Variants in ABCD3 observed in about 807,000 individuals in gnomAD.
ABCD3 encodes ATP-binding cassette sub-family D member 3.
In ABCD3, 41 loss-of-function variants were observed where a neutral mutation model predicts 105.5. That is an observed-to-expected ratio of 0.39 (90% CI 0.30 to 0.50). The LOEUF is 0.50. Ranked by LOEUF, ABCD3 falls within the 20% of genes least tolerant of loss-of-function variation. The probability of loss-of-function intolerance (pLI) is 0.84; values close to 1 mark genes in which losing one functional copy is unlikely to be tolerated. For missense variants in ABCD3, 622 were observed against 806.3 expected (o/e 0.77, Z 2.77); for synonymous variants, 258 against 269.0 (o/e 0.96, Z 0.40).
intron 20 of ABCD3, among the ~76,000 whole-genome samples, chr1:94,503,588 A>G (rs1196778481): frequency 1.3e-5 from 2 of 152,096 alleles, no homozygotes; most frequent in African/African-American, 4.8e-5. Context: ...CTAAAAAGCA[A>G]ACTCTGCCTT....
chr1:94,466,988 G>C (rs1476272132), intron 3 of ABCD3, among the ~76,000 whole-genome samples: 2 of 152,154 alleles, frequency 1.3e-5, no homozygotes, highest in African/African-American at 2.4e-5. Flanking sequence ...GGTTGGGGTG[G>C]CAGGATTCTC....
At chr1:94,434,262 G>A (rs1346845664) in intron 1 of ABCD3, among the ~76,000 whole-genome samples, 1 of 152,172 alleles carries the variant, frequency 6.6e-6, no homozygotes, top group African/African-American at 2.4e-5. Flanking sequence ...ACAGTAAAAT[G>A]TGTGGAGCTG....
intron 1 of ABCD3, among the ~76,000 whole-genome samples, chr1:94,457,630 C>G (rs757027255): frequency 1.8e-4 from 27 of 152,100 alleles, no homozygotes; most frequent in Non-Finnish European, 2.9e-4. Flanking sequence ...CCTCATGTCA[C>G]AGACTTCCTG....
chr1:94,464,414 C>A lies in ABCD3; in HGVS notation c.148-361C>A, dbSNP rs918306081. ...CTTTTTTCAGCTGTCTCTCTGACCT[C>A]GTCCTCTGTGATGGTACCTTCCTCA... On this transcript the variant is annotated intron_variant, in intron 2 of 22. Transcript: ENST00000370214. Among the ~76,000 whole-genome samples, 3 of 152,000 alleles carry A rather than the reference C, an allele frequency of 2.0e-5. No individual in the cohort carries two copies. In the East Asian group the frequency reaches 5.8e-4, roughly 30 times the overall value.
At chr1:94,497,664 AAC>A (rs1649887901) in intron 16 of ABCD3, among the ~76,000 whole-genome samples, 1 of 152,246 alleles carries the variant, frequency 6.6e-6, no homozygotes, top group East Asian at 1.9e-4. Context: ...ATTTTGATAA[AAC>A]ACTTATAATT....
chr1:94,466,870 C>T (rs1648164509), intron 3 of ABCD3, among the ~76,000 whole-genome samples: 1 of 152,132 alleles, frequency 6.6e-6, no homozygotes, highest in South Asian at 2.1e-4. Flanking sequence ...CTAATTTGGC[C>T]AGCTTCCCAC....
chr1:94,448,410 G>A (rs1660439606), intron 1 of ABCD3, among the ~76,000 whole-genome samples: 1 of 152,168 alleles, frequency 6.6e-6, no homozygotes, highest in Non-Finnish European at 1.5e-5. Flanking sequence ...ATCCTCCCTA[G>A]AATAACTAAA....
intron 21 of ABCD3, among the ~76,000 whole-genome samples, chr1:94,509,703 T>C (rs1424694154): frequency 6.6e-6 from 1 of 152,214 alleles, no homozygotes; most frequent in Non-Finnish European, 1.5e-5. Flanking sequence ...AACTTCTTCC[T>C]GGTTTAGTCT....
chr1:94,474,947 T>C (rs531656312), intron 5 of ABCD3, among the ~76,000 whole-genome samples, 196 bp from the exon 6 acceptor site: 45 of 152,280 alleles, frequency 3.0e-4, no homozygotes, highest in African/African-American at 1.1e-3. Context: ...ATGTAAACTT[T>C]AACATAGAAT....
At chr1:94,406,464 G>C in the ABCD3 span, 3 of 404,500 alleles carry the variant, frequency 7.4e-6, no homozygotes, top group East Asian at 2.0e-4. Context: ...CACAAAGTGT[G>C]CTTCTCTGGG....
intron 9 of ABCD3, chr1:94,481,768 C>A (rs1432510110): frequency 6.6e-6 from 1 of 152,228 alleles, no homozygotes; most frequent in Non-Finnish European, 1.5e-5. Flanking sequence ...GAAACCTTTC[C>A]CAAGAGTCCC....
chr1:94,441,048 C>A lies in ABCD3; in HGVS notation c.111-17559C>A, dbSNP rs780983124. Among the ~76,000 whole-genome samples the A allele has an allele frequency of 6.0e-4, 92 of 152,194 alleles. 1 individual carries two copies. Among genetic ancestry groups the A allele is most frequent in the Non-Finnish European group, 1.2e-3 (81 of 68,010 alleles). Reference sequence around the variant, plus strand: ...AAACATGGGTGGATTCCTCTATAACCTGGGTGTAGGGAAAGCTTTTGTAAG... The same window carrying A: ...AAACATGGGTGGATTCCTCTATAACATGGGTGTAGGGAAAGCTTTTGTAAG... On this transcript the variant is annotated intron_variant, in intron 1 of 22. Coordinates refer to ENST00000370214, the MANE Select transcript of ABCD3 (RefSeq NM_002858.4).
At chr1:94,459,238 T>C (rs924683009) in intron 2 of ABCD3, among the ~76,000 whole-genome samples, 1 of 151,924 alleles carries the variant, frequency 6.6e-6, no homozygotes, top group Non-Finnish European at 1.5e-5. Context: ...CCACATATAT[T>C]TGAAGATAGT....
intron 1 of ABCD3, among the ~76,000 whole-genome samples, chr1:94,446,049 T>C (rs1432911629): frequency 1.3e-5 from 2 of 151,982 alleles, no homozygotes; most frequent in East Asian, 3.9e-4. Context: ...TAAAAAAGAA[T>C]GTAGAAAAAA....
chr1:94,429,137 C>A (rs1390371415), intron 1 of ABCD3, among the ~76,000 whole-genome samples: 1 of 152,130 alleles, frequency 6.6e-6, no homozygotes, highest in Non-Finnish European at 1.5e-5. Context: ...TTTGACCCTG[C>A]CTTAGAGATT....
intron 8 of ABCD3, chr1:94,478,575 GC>G: frequency 6.3e-7 from 1 of 1,581,914 alleles, no homozygotes; most frequent in Non-Finnish European, 8.6e-7. Flanking sequence ...TATTGGCCAG[GC>G]GTGGTGGCTC....
rs573525588 is a variant in ABCD3, at chr1:94,518,512, A to C, written c.*1383A>C. ...TGTTCAGATTAAAAAAAAAAAAAAA[A>C]AACTCAGATATCCTATACAACCTTT... On this transcript the variant is annotated 3_prime_UTR_variant, in exon 23 of 23. Transcript: ENST00000370214. 1.2e-3 allele frequency: 189 copies of C among 152,264 alleles called. 1 individual carries two copies. Among genetic ancestry groups the C allele is most frequent in the African/African-American group, 4.2e-3 (176 of 41,510 alleles). 9.4% of individuals were successfully genotyped at this position (152,264 alleles called of 1,614,324 possible).
intron 1 of ABCD3, among the ~76,000 whole-genome samples, chr1:94,455,169 A>G (rs1038679028): frequency 6.6e-6 from 1 of 152,200 alleles, no homozygotes; most frequent in Non-Finnish European, 1.5e-5. Flanking sequence ...GTATTAATGT[A>G]AAGTCAAGAA....
At chr1:94,515,844 C>T (rs1157936538) in intron 22 of ABCD3, among the ~76,000 whole-genome samples, 2 of 139,986 alleles carry the variant, frequency 1.4e-5, no homozygotes, top group African/African-American at 5.1e-5. Flanking sequence ...CCCTTCCTTT[C>T]TTCCTTCCTT....
Sources: allele counts gnomAD v4.1 joint callset (sites outside exome capture counted in the v4.1 genomes callset), GRCh38; gene constraint gnomAD v4.1.1; transcripts MANE v1.5; gene names NCBI Gene and HGNC (gene_info 2026-07-23, HGNC 2026-07-21).